The following CEP152 variants were observed in gnomAD, a reference collection of about 807,000 sequenced individuals.
CEP152 encodes the protein centrosomal protein of 152 kDa.
CEP152 carries 132 observed loss-of-function variants against 188.9 expected under a neutral mutation model. The ratio of observed to expected loss-of-function variants is 0.70; its 90% CI spans 0.61 to 0.81. CEP152 has a LOEUF of 0.81. Ranked by LOEUF, CEP152 falls within the 30% of genes least tolerant of loss-of-function variation. The pLI is 0.00. For missense variants in CEP152, 1,914 were observed against 1,969.8 expected (o/e 0.97, Z 0.54); for synonymous variants, 649 against 666.6 (o/e 0.97, Z 0.41).
intron 1 of CEP152, among the ~76,000 whole-genome samples, chr15:48,809,753 A>G (rs1453808521): frequency 6.6e-6 from 1 of 152,224 alleles, no homozygotes; most frequent in African/African-American, 2.4e-5. Flanking sequence ...TGTACCAATC[A>G]ATACATTGTA....
At chr15:48,800,396 G>A (rs1897599195) in intron 2 of CEP152, among the ~76,000 whole-genome samples, 1 of 152,126 alleles carries the variant, frequency 6.6e-6, no homozygotes, top group Non-Finnish European at 1.5e-5. Context: ...AGGCCATTCA[G>A]GAACAAAATT....
At chr15:48,792,422 A>C (rs1381774878) in intron 7 of CEP152, among the ~76,000 whole-genome samples, 1 of 152,234 alleles carries the variant, frequency 6.6e-6, no homozygotes, top group Non-Finnish European at 1.5e-5. Flanking sequence ...CCATCAATTA[A>C]ATTTGAAATG....
intron 18 of CEP152, among the ~76,000 whole-genome samples, chr15:48,761,214 G>A (rs78969157): frequency 0.011 from 1,617 of 152,202 alleles, 9 homozygotes; most frequent in Non-Finnish European, 0.016. Flanking sequence ...AAACATTTCG[G>A]TAAACTAACT....
chr15:48,759,105 T>A (rs930716668), intron 19 of CEP152, among the ~76,000 whole-genome samples: 2 of 152,156 alleles, frequency 1.3e-5, no homozygotes, highest in African/African-American at 4.8e-5. Flanking sequence ...ATTTATCATG[T>A]GTTATCCATT....
intron 18 of CEP152, among the ~76,000 whole-genome samples, 190 bp downstream of exon 18, chr15:48,762,201 C>T (rs1486171685): frequency 6.6e-6 from 1 of 151,932 alleles, no homozygotes; most frequent in African/African-American, 2.4e-5. Context: ...ACAGAAAAAC[C>T]GAGGGGTGGC....
chr15:48,735,739 T>C (rs1298358308), downstream of CEP152, among the ~76,000 whole-genome samples: 2 of 150,882 alleles, frequency 1.3e-5, no homozygotes, highest in African/African-American at 4.9e-5. Context: ...ATCTCAAAAA[T>C]AAATAAATTT....
chr15:48,767,545 C>T (rs988620989), intron 15 of CEP152, 82 bp from the exon 16 acceptor site: 2 of 1,574,422 alleles, frequency 1.3e-6, no homozygotes, highest in Non-Finnish European at 1.7e-6. Context: ...TTCCTCCTCA[C>T]CTCTTCCCTC....
intron 11 of CEP152, 137 bp downstream of exon 11, chr15:48,782,002 G>A: frequency 1.3e-6 from 1 of 745,070 alleles, no homozygotes; most frequent in South Asian, 1.5e-5. Flanking sequence ...GAAGGAGATG[G>A]TGAACAACTC....
chr15:48,762,790 G>A (rs1894785825), intron 17 of CEP152, 118 bp from the exon 18 acceptor site: 2 of 960,876 alleles, frequency 2.1e-6, no homozygotes, highest in East Asian at 2.6e-5. Context: ...AGATATTGTT[G>A]TAGTAATTAT....
In CEP152 at chr15:48,748,600, C is replaced by G. The variant is rs955334640; in HGVS notation, c.3477G>C (p.Lys1159Asn). ...AGCATAAATCCTTAATTTCAAGGAC[C>G]TTTTTCTTATCTGCAAAAATTAAAT... ...QATEAEADKK[K>N]VLEIKDLCCG... The change falls in exon 22 of 27, where the codon AAG becomes AAC. Residue 1159 changes from lysine to asparagine, a missense_variant. Transcript: ENST00000380950. The G allele has an allele frequency of 4.7e-6, 7 of 1,480,882 alleles. No individual in the cohort carries two copies. The Admixed American group carries it at 1.4e-4, about 30-fold the overall frequency. The allele number at this position is 1,480,882 out of a possible 1,614,324, so 91.7% of individuals were successfully genotyped here.
intron 18 of CEP152, among the ~76,000 whole-genome samples, chr15:48,760,494 G>T (rs1595624224): frequency 6.6e-6 from 1 of 152,152 alleles, no homozygotes; most frequent in African/African-American, 2.4e-5. Flanking sequence ...GGGAATCTGT[G>T]AATGTTTGAT....
chr15:48,782,319 A>G lies in CEP152; in HGVS notation c.1322-89T>C, dbSNP rs950033524. The G allele has an allele frequency of 1.2e-5, 13 of 1,118,850 alleles. No homozygotes were observed. In the Admixed American group the frequency reaches 2.3e-4, roughly 20 times the overall value. 69.3% of individuals were successfully genotyped at this position (1,118,850 alleles called of 1,614,324 possible). A position where few individuals can be genotyped will look rare whatever the true frequency, so the allele number is the denominator to read the frequency against. On this transcript the variant is annotated intron_variant, in intron 10 of 26. Coordinates refer to ENST00000380950, the MANE Select transcript of CEP152 (RefSeq NM_001194998.2). ...CAGAAGACTTGAATCCACTGAGGCT[A>G]CAGAAAGTAAAGTTCTGCTTTACTA...
chr15:48,784,972 C>T (rs978747600), intron 9 of CEP152, among the ~76,000 whole-genome samples: 6 of 152,148 alleles, frequency 3.9e-5, no homozygotes, highest in Non-Finnish European at 7.4e-5. Context: ...AAAGGCTACA[C>T]AGGCTGAATT....
chr15:48,793,306 C>T lies in CEP152; in HGVS notation c.832+15G>A. ...ACTCAGTGTACCTCATAAATGACAGCATCCAGCATCTTACCTTTTATTATT... is the reference window on the plus strand; with the variant it reads ...ACTCAGTGTACCTCATAAATGACAGTATCCAGCATCTTACCTTTTATTATT... On this transcript the variant is annotated intron_variant, in intron 7 of 26. Transcript: ENST00000380950. 6.2e-7 allele frequency: 1 copy of T among 1,613,410 alleles called. No homozygotes were observed. The highest frequency in any genetic ancestry group is 8.5e-7 in the Non-Finnish European group (1 of 1,179,612).
intron 10 of CEP152, chr15:48,783,767 G>A (rs1368698508): frequency 1.2e-5 from 2 of 171,218 alleles, no homozygotes; most frequent in African/African-American, 6.3e-5. Context: ...TTTTATATAT[G>A]TGTGTATGTA....
intron 21 of CEP152, among the ~76,000 whole-genome samples, chr15:48,750,766 T>C (rs1429612507): frequency 1.3e-5 from 2 of 152,190 alleles, no homozygotes; most frequent in South Asian, 4.1e-4. Context: ...TAAACTATTT[T>C]TATAATGTTA....
At chr15:48,787,137 C>G (rs1595677771) in intron 9 of CEP152, among the ~76,000 whole-genome samples, 3 of 136,038 alleles carry the variant, frequency 2.2e-5, no homozygotes, top group Non-Finnish European at 1.6e-5. Context: ...ATAAAGTAGA[C>G]TTTTCAATAA....
intron 19 of CEP152, among the ~76,000 whole-genome samples, chr15:48,758,181 A>C (rs1894413249): frequency 1.3e-5 from 2 of 152,220 alleles, no homozygotes; most frequent in South Asian, 4.1e-4. Flanking sequence ...GAACCACTGA[A>C]CCAACTTAAC....
At chr15:48,774,947 A>G (rs1895792605) in intron 12 of CEP152, among the ~76,000 whole-genome samples, 2 of 152,186 alleles carry the variant, frequency 1.3e-5, no homozygotes, top group South Asian at 4.1e-4. Context: ...ACAGAGAAAG[A>G]AAAGTGATAC....
Sources: gnomAD v4.1 joint callset for allele counts (sites outside exome capture counted in the v4.1 genomes callset) on GRCh38, gnomAD v4.1.1 for gene constraint, MANE v1.5 for transcripts, NCBI Gene and HGNC (gene_info 2026-07-23, HGNC 2026-07-21) for gene names.